NFIB: variants seen among roughly 807,000 people sequenced by gnomAD.
NFIB encodes the protein nuclear factor 1 B-type.
Under a neutral mutation model 61.5 loss-of-function variants are expected in NFIB, and 11 were observed. The observed-to-expected ratio is 0.18, with a 90% CI of 0.11 to 0.30. The LOEUF is 0.30. Ranked by LOEUF, NFIB falls within the 10% of genes least tolerant of loss-of-function variation. The pLI, the probability that NFIB is intolerant of heterozygous loss-of-function variation, is 1.00. For synonymous variants in NFIB, 260 were observed against 216.5 expected (o/e 1.20, Z -1.76); for missense variants, 471 against 608.9 (o/e 0.77, Z 2.38).
At chr9:14,514,912 C>G in the NFIB span, among the ~76,000 whole-genome samples, 2 of 152,096 alleles carry the variant, frequency 1.3e-5, no homozygotes, top group African/African-American at 2.4e-5. Context: ...TAGTATGTAG[C>G]CATAGTTGAG....
At chr9:14,435,019 C>A in the NFIB span, among the ~76,000 whole-genome samples, 16 of 152,228 alleles carry the variant, frequency 1.1e-4, no homozygotes, top group African/African-American at 3.9e-4. Context: ...AATGTTCACT[C>A]ACTCACTCCC....
intron 8 of NFIB, among the ~76,000 whole-genome samples, chr9:14,116,582 T>C (rs1277230923): frequency 6.6e-6 from 1 of 152,230 alleles, no homozygotes; most frequent in African/African-American, 2.4e-5. Flanking sequence ...TGAATTCCTC[T>C]TTACAGCACC....
chr9:14,519,611 T>C, the NFIB span, among the ~76,000 whole-genome samples: 1 of 152,200 alleles, frequency 6.6e-6, no homozygotes, highest in African/African-American at 2.4e-5. Flanking sequence ...GTCAGGCATT[T>C]TACTGCGGTG....
chr9:14,381,751 A>G lies in NFIB; in HGVS notation c.108+16773T>C, dbSNP rs1253762442. 5.3e-5 allele frequency among the ~76,000 whole-genome samples: 8 copies of G among 152,358 alleles called. No individual in the cohort carries two copies. In the East Asian group the frequency reaches 1.5e-3, roughly 29 times the overall value. Reference sequence around the variant, plus strand: ...AGGCAAGAACAGTATCTGGAGAAGCAATGAAAGAACCCAGTGGAAATTCAC... The same window carrying G: ...AGGCAAGAACAGTATCTGGAGAAGCGATGAAAGAACCCAGTGGAAATTCAC... On this transcript the variant is annotated intron_variant, in intron 1 of 8. Coordinates refer to the NFIB transcript ENST00000380934.
At chr9:14,468,473 G>C in the NFIB span, among the ~76,000 whole-genome samples, 2 of 152,184 alleles carry the variant, frequency 1.3e-5, no homozygotes, top group Non-Finnish European at 2.9e-5. Flanking sequence ...TTGTTAGCTG[G>C]TACCCAGGTT....
At chr9:14,370,827 G>A (rs570819270) in intron 1 of NFIB, among the ~76,000 whole-genome samples, 1 of 152,354 alleles carries the variant, frequency 6.6e-6, no homozygotes, top group East Asian at 1.9e-4. Flanking sequence ...GGGCACAGTG[G>A]CTCATGCCTG....
chr9:14,272,692 CAAAAAAAAAAAAAAA>C (rs61391471), intron 2 of NFIB, among the ~76,000 whole-genome samples: 3 of 67,210 alleles, frequency 4.5e-5, no homozygotes, highest in Admixed American at 1.8e-4. Context: ...TCAATTCTCG[CAAAAAAAAAAAAAAA>C]AAAAAAAAAA....
chr9:14,139,715 G>C (rs1261474015), intron 6 of NFIB, among the ~76,000 whole-genome samples: 2 of 152,106 alleles, frequency 1.3e-5, no homozygotes, highest in Non-Finnish European at 2.9e-5. Flanking sequence ...TTCTTGATTA[G>C]AACACATGAA....
chr9:14,111,146 T>A (rs557351379), intron 10 of NFIB, among the ~76,000 whole-genome samples: 41 of 152,266 alleles, frequency 2.7e-4, no homozygotes, highest in African/African-American at 9.6e-4. Context: ...CTAGAACTCA[T>A]AGTTTTTAAA....
the NFIB span, among the ~76,000 whole-genome samples, chr9:14,443,521 A>C: frequency 6.6e-6 from 1 of 152,148 alleles, no homozygotes; most frequent in Non-Finnish European, 1.5e-5. Flanking sequence ...AGCCAGATGA[A>C]AACTGCGATG....
chr9:14,461,065 C>A, the NFIB span, among the ~76,000 whole-genome samples: 1 of 152,126 alleles, frequency 6.6e-6, no homozygotes, highest in Non-Finnish European at 1.5e-5. Context: ...TATCAAGTCT[C>A]CCTGACCCCC....
chr9:14,204,600 C>A (rs1239551107), intron 2 of NFIB: 10 of 1,024,478 alleles, frequency 9.8e-6, no homozygotes, highest in Non-Finnish European at 1.2e-5. Context: ...TTGGCCCGGG[C>A]GGAGAAGAAA....
intron 2 of NFIB, among the ~76,000 whole-genome samples, chr9:14,291,865 T>A (rs2059126149): frequency 6.6e-6 from 1 of 152,092 alleles, no homozygotes; most frequent in South Asian, 2.1e-4. Flanking sequence ...ATTGGAAAAT[T>A]GGCCATATAT....
intron 2 of NFIB, among the ~76,000 whole-genome samples, chr9:14,294,858 G>A (rs1000770801): frequency 1.3e-5 from 2 of 152,174 alleles, no homozygotes; most frequent in Non-Finnish European, 2.9e-5. Context: ...TTGTGGATAT[G>A]AGCTAATCTC....
chr9:14,175,693 A>G (rs1364009366), intron 3 of NFIB, among the ~76,000 whole-genome samples: 5 of 152,210 alleles, frequency 3.3e-5, no homozygotes, highest in Non-Finnish European at 7.3e-5. Flanking sequence ...ACAAGCACCT[A>G]TAAAACCTAC....
At chr9:14,349,804 G>A (rs189723258) in intron 1 of NFIB, among the ~76,000 whole-genome samples, 1 of 152,318 alleles carries the variant, frequency 6.6e-6, no homozygotes, top group Admixed American at 6.5e-5. Flanking sequence ...AGGGATGAGA[G>A]TTGAGACTTC....
chr9:14,446,469 C>T, the NFIB span, among the ~76,000 whole-genome samples: 15 of 152,036 alleles, frequency 9.9e-5, no homozygotes, highest in Non-Finnish European at 2.1e-4. Flanking sequence ...TGGATAATTT[C>T]TACAGATCTC....
At chr9:14,322,111 G>T (rs2060675941) in intron 1 of NFIB, 1 of 1,215,156 alleles carries the variant, frequency 8.2e-7, no homozygotes, top group Non-Finnish European at 1.0e-6. Context: ...AAGCAATCCG[G>T]GAGTAGTCTT....
At chr9:14,119,150 C>A (rs2038589638) in intron 8 of NFIB, among the ~76,000 whole-genome samples, 2 of 152,148 alleles carry the variant, frequency 1.3e-5, no homozygotes, top group South Asian at 4.2e-4. Context: ...GCACTGTTCC[C>A]AGCTGAGTCT....
Sources: allele counts gnomAD v4.1 joint callset (sites outside exome capture counted in the v4.1 genomes callset), GRCh38; gene constraint gnomAD v4.1.1; transcripts MANE v1.5; gene names NCBI Gene and HGNC (gene_info 2026-07-23, HGNC 2026-07-21).